The following MYBBP1A variants were observed in gnomAD, a reference collection of about 807,000 sequenced individuals.
MYBBP1A encodes the protein MYB binding protein 1a.
MYBBP1A carries 147 observed loss-of-function variants against 136.3 expected under a neutral mutation model. The observed-to-expected ratio is 1.08, with a 90% CI of 0.94 to 1.24. The LOEUF is 1.24. MYBBP1A is among the 50% of genes most tolerant of loss of function. MYBBP1A has a pLI of 0.00. For missense variants in MYBBP1A, 2,060 were observed against 1,727.4 expected, an observed-to-expected ratio of 1.19 and a Z score of -3.41; for synonymous variants, 947 against 735.8, an observed-to-expected ratio of 1.29 and a Z score of -4.65.
chr17:4,549,938 C>T (rs1205447907), intron 9 of MYBBP1A, 120 bp downstream of exon 9: 9 of 1,108,982 alleles, frequency 8.1e-6, no homozygotes, highest in African/African-American at 1.6e-5. Context: ...AGGCTCTTCC[C>T]CCTCGCTCCT....
In MYBBP1A at chr17:4,552,968, T is replaced by A. The variant is rs543509319; in HGVS notation, c.562-342A>T. On this transcript the variant is annotated intron_variant, in intron 5 of 25. Coordinates refer to ENST00000254718, the MANE Select transcript of MYBBP1A (RefSeq NM_014520.4). The surrounding 1 kb of genome is among the most constrained non-coding windows in gnomAD (Gnocchi z 4.7). Reference sequence around the variant, plus strand: ...CCTGCCTCAGGTGGGATTAAAGGTGTGCGCCATCACACCCAGCTAATTTTT... The same window carrying A: ...CCTGCCTCAGGTGGGATTAAAGGTGAGCGCCATCACACCCAGCTAATTTTT... 6.6e-6 allele frequency among the ~76,000 whole-genome samples: 1 copy of A among 151,934 alleles called. No individual in the cohort carries two copies.
Position 4,543,069 on chromosome 17 carries a change from G to A in MYBBP1A, c.2736C>T (p.Gly912=). Residue 912 remains glycine, a synonymous_variant, in exon 20 of 26, where the codon GGC becomes GGT. Transcript: ENST00000254718. ...AQVERLVQQA[G]RQPDSPTALY... Reference sequence around the variant, plus strand: ...GGGCGGTGGGGGAGTCGGGCTGGCGGCCAGCCTGCTGCACCAACCGCTCCA... The same window carrying A: ...GGGCGGTGGGGGAGTCGGGCTGGCGACCAGCCTGCTGCACCAACCGCTCCA... 1 of 1,613,242 alleles carries A rather than the reference G, an allele frequency of 6.2e-7. No homozygotes were observed. The highest frequency in any genetic ancestry group is 8.5e-7 in the Non-Finnish European group (1 of 1,179,944).
chr17:4,540,243 C>A, intron 25 of MYBBP1A, 105 bp downstream of exon 25: 1 of 1,385,960 alleles, frequency 7.2e-7, no homozygotes, highest in Non-Finnish European at 9.6e-7. Context: ...CATGCGTGTG[C>A]AGTGTGCGTG....
chr17:4,550,444 C>A, intron 8 of MYBBP1A, 91 bp from the exon 9 acceptor site: 1 of 1,388,518 alleles, frequency 7.2e-7, no homozygotes, highest in South Asian at 1.4e-5. Context: ...GGGCAACAGC[C>A]CAACAGCCCA....
Position 4,539,662 on chromosome 17 carries a change from T to G in MYBBP1A, c.3740A>C (p.Lys1247Thr), listed in dbSNP as rs1284897440. The G allele has an allele frequency of 1.9e-6, 3 of 1,610,682 alleles. 1 individual carries two copies. Among genetic ancestry groups the G allele is most frequent in the Non-Finnish European group, 8.5e-7 (1 of 1,177,628 alleles). The change falls in exon 26 of 26, where the codon AAA (lysine) becomes ACA (threonine). Residue 1247 changes from lysine to threonine, a missense_variant. Coordinates refer to ENST00000254718, the MANE Select transcript of MYBBP1A (RefSeq NM_014520.4). The part of the protein sequence containing the change: ...APTRSPSTPA[K>T]SPKLQKKNQK... ...GTTTTTCTTCTGCAGTTTTGGGGAT[T>G]TGGCAGGGGTGCTGGGGCTCCGGGT...
chr17:4,542,662 C>CT lies in MYBBP1A; in HGVS notation c.2971dup (p.Ser991LysfsTer58). On this transcript the variant is annotated frameshift_variant, in exon 21 of 26. Coordinates refer to ENST00000254718, the MANE Select transcript of MYBBP1A (RefSeq NM_014520.4). LOFTEE classifies it high-confidence loss of function. ...GAGGAACATGGGAACTGTGAGGGGG[C>CT]TGTTGCGCTTGGTCAGGAAGGAGCT... 1 of 1,614,012 alleles carries CT rather than the reference C, an allele frequency of 6.2e-7. No individual in the cohort carries two copies. The highest frequency in any genetic ancestry group is 8.5e-7 in the Non-Finnish European group (1 of 1,179,934).
chr17:4,543,856 G>A (rs572577345), intron 19 of MYBBP1A, among the ~76,000 whole-genome samples: 21 of 151,524 alleles, frequency 1.4e-4, no homozygotes, highest in Middle Eastern at 3.4e-3. Flanking sequence ...GCTGCCAGCC[G>A]TTTCTGAAAA....
In MYBBP1A at chr17:4,552,414, G is replaced by A; in HGVS notation, c.737+37C>T. The A allele has an allele frequency of 1.2e-6, 2 of 1,608,042 alleles. No homozygotes were observed. The highest frequency in any genetic ancestry group is 1.7e-6 in the Non-Finnish European group (2 of 1,178,092). On this transcript the variant is annotated intron_variant, in intron 6 of 25. Transcript: ENST00000254718. This position sits in a 1 kb window ranked among gnomAD's most constrained non-coding sequence, Gnocchi z 4.7. ...GGGCCTGGCCAGATGCAGTCCCTTGGCCCCAGGGAGGGCAAATCCGCCCAC... is the reference window on the plus strand; with the variant it reads ...GGGCCTGGCCAGATGCAGTCCCTTGACCCCAGGGAGGGCAAATCCGCCCAC...
chr17:4,540,507 G>A (rs1291350322), intron 24 of MYBBP1A, 23 bp from the exon 25 acceptor site: 1 of 1,591,666 alleles, frequency 6.3e-7, no homozygotes, highest in South Asian at 1.1e-5. Context: ...GGAAGGCAGA[G>A]CTGTGGGGCC....
chr17:4,541,536 G>C lies in MYBBP1A; in HGVS notation c.3224C>G (p.Thr1075Ser), dbSNP rs1345566700. The change falls in exon 24 of 26, where the codon ACC (threonine) becomes AGC (serine). Residue 1075 changes from threonine (T) to serine (S), a missense_variant. By Grantham distance (58) the Thr-to-Ser change is moderately conservative. Transcript: ENST00000254718. ...ENLRVLGEAQ[T>S]KAQHQQALSS... ...CAGTGCCTGCTGATGCTGCGCCTTG[G>C]TCTGCGCCTCCCCCAGCACGCGCAA... The C allele has an allele frequency of 6.2e-7, 1 of 1,613,218 alleles. No individual in the cohort carries two copies. The highest frequency in any genetic ancestry group is 8.5e-7 in the Non-Finnish European group (1 of 1,180,024).
In MYBBP1A at chr17:4,554,110, G is replaced by A. The variant is rs770839422; in HGVS notation, c.379-17C>T. ...CAGCATTGCCTAGAAAAGGATTCCA[G>A]GCACAGGCATGAGGGGCCCTGGAAC... On this transcript the variant is annotated splice_polypyrimidine_tract_variant and intron_variant, in intron 3 of 25. Coordinates refer to ENST00000254718, the MANE Select transcript of MYBBP1A (RefSeq NM_014520.4). 1 of 1,613,962 alleles carries A rather than the reference G, an allele frequency of 6.2e-7. No individual in the cohort carries two copies. The highest frequency in any genetic ancestry group is 1.1e-5 in the South Asian group (1 of 91,080).
At chr17:4,547,677 T>C (rs920744545) in intron 13 of MYBBP1A, 3 of 389,742 alleles carry the variant, frequency 7.7e-6, no homozygotes, top group Non-Finnish European at 1.4e-5. Flanking sequence ...CCTTTGCCTC[T>C]GAGTCTTAGT....
rs988873475 is a variant in MYBBP1A, at chr17:4,544,593, G to A, written c.2535C>T (p.Val845=). ...TCAGCAGCGGCTCCAGCAGCTCCAG[G>A]ACCAGGGCATTCTCGGGCTGCTTGG... The part of the protein sequence containing the change: ...LVTKQPENAL[V]LELLEPLLSI... Residue 845 remains valine (V), a synonymous_variant, in exon 19 of 26, where the codon GTC becomes GTT. Transcript: ENST00000254718. 3 of 1,582,538 alleles carry A rather than the reference G, an allele frequency of 1.9e-6. No individual in the cohort carries two copies. Among genetic ancestry groups the A allele is most frequent in the African/African-American group, 2.7e-5 (2 of 74,226 alleles).
intron 18 of MYBBP1A, 25 bp downstream of exon 18, chr17:4,544,726 G>A (rs370627191): frequency 7.3e-6 from 11 of 1,514,810 alleles, no homozygotes; most frequent in South Asian, 1.3e-5. Context: ...AGGCGGGGGT[G>A]GGTGCGGCCC....
intron 19 of MYBBP1A, among the ~76,000 whole-genome samples, chr17:4,543,967 G>C (rs939717127): frequency 6.6e-6 from 1 of 152,172 alleles, no homozygotes; most frequent in African/African-American, 2.4e-5. Flanking sequence ...GGGTGCGGGG[G>C]TCTGTGGCCT....
Position 4,544,576 on chromosome 17 carries a change from G to T in MYBBP1A, c.2552C>A (p.Pro851Gln). ...ENALVLELLE[P>Q]LLSIIRRSLR... is the part of the protein sequence containing the mutation. ...GCTGCGCCGGATGATGCTCAGCAGC[G>T]GCTCCAGCAGCTCCAGGACCAGGGC... Residue 851 changes from proline to glutamine, a missense_variant, in exon 19 of 26, where the codon CCG (proline) becomes CAG (glutamine). Transcript: ENST00000254718. The T allele has an allele frequency of 1.9e-6, 3 of 1,575,930 alleles. No homozygotes were observed. Among genetic ancestry groups the T allele is most frequent in the Non-Finnish European group, 2.6e-6 (3 of 1,161,364 alleles).
chr17:4,553,942 G>C, intron 4 of MYBBP1A, 25 bp from the exon 5 acceptor site: 1 of 1,613,606 alleles, frequency 6.2e-7, no homozygotes, highest in Non-Finnish European at 8.5e-7. Context: ...GGGACAGAGG[G>C]TATGAGCAGG....
In MYBBP1A at chr17:4,545,651, A is replaced by C. The variant is rs1260448642; in HGVS notation, c.2032T>G (p.Cys678Gly). 23 of 1,609,962 alleles carry C rather than the reference A, an allele frequency of 1.4e-5. No homozygotes were observed. Among genetic ancestry groups the C allele is most frequent in the Non-Finnish European group, 1.8e-5 (21 of 1,177,150 alleles). Residue 678 changes from cysteine to glycine, a missense_variant, in exon 15 of 26, where the codon TGC becomes GGC. Transcript: ENST00000254718. ...AGGGCACGCGGGGTCAGGTGGGAGC[A>C]GATGTGGCCAAACACGCTCCGGGCC... ...QVARSVFGHI[C>G]SHLTPRALQL... is the part of the protein sequence containing the mutation.
intron 23 of MYBBP1A, 78 bp from the exon 24 acceptor site, chr17:4,541,642 C>T: frequency 2.6e-6 from 4 of 1,518,932 alleles, no homozygotes; most frequent in Non-Finnish European, 3.6e-6. Flanking sequence ...AAGTAAAGCC[C>T]AGAGGCAGGG....
Sources: gnomAD v4.1 joint callset for allele counts (sites outside exome capture counted in the v4.1 genomes callset) on GRCh38, gnomAD v4.1.1 for gene constraint, Gnocchi (gnomAD v3.1) non-coding constraint, MANE v1.5 for transcripts, NCBI Gene and HGNC (gene_info 2026-07-23, HGNC 2026-07-21) for gene names.